Variants in VWA2 observed in about 807,000 individuals in gnomAD.
VWA2 encodes von Willebrand factor A domain-containing protein 2.
Under a neutral mutation model 70.4 loss-of-function variants are expected in VWA2, and 73 were observed. The ratio of observed to expected loss-of-function variants is 1.04; its 90% CI spans 0.86 to 1.26. VWA2 has a LOEUF of 1.26. VWA2 is among the 50% of genes most tolerant of loss of function. VWA2 has a pLI of 0.00. For missense variants in VWA2, 1,011 were observed against 998.5 expected (o/e 1.01, Z -0.17); for synonymous variants, 407 against 423.3 (o/e 0.96, Z 0.47).
In VWA2 at chr10:114,254,981, G is replaced by T. The variant is rs145930082; in HGVS notation, c.194G>T (p.Gly65Val). 1 of 1,613,324 alleles carries T rather than the reference G, an allele frequency of 6.2e-7. No homozygotes were observed. Among genetic ancestry groups the T allele is most frequent in the Admixed American group, 1.7e-5 (1 of 60,022 alleles). Reference protein sequence around the residue: ...LLDGSNSVGKGSFERSKHFAI... With the variant: ...LLDGSNSVGKVSFERSKHFAI... Reference sequence around the variant, plus strand: ...GATGGGTCTAACAGCGTCGGGAAAGGGAGCTTTGAAAGGTCCAAGCACTTT... The same window carrying T: ...GATGGGTCTAACAGCGTCGGGAAAGTGAGCTTTGAAAGGTCCAAGCACTTT... The change falls in exon 4 of 14, where the codon GGG becomes GTG. Residue 65 changes from glycine (G) to valine (V), a missense_variant. Gly to Val is a moderately radical substitution (Grantham distance 109). Coordinates refer to ENST00000392982, the MANE Select transcript of VWA2 (RefSeq NM_001272046.2).
At chr10:114,277,891 G>C in intron 6 of VWA2, 23 bp from the exon 7 acceptor site, 2 of 1,590,728 alleles carry the variant, frequency 1.3e-6, no homozygotes, top group Non-Finnish European at 1.7e-6. Flanking sequence ...AGGACCACAA[G>C]CTGTTACAAC....
chr10:114,285,819 G>C (rs903442838), intron 10 of VWA2, 120 bp from the exon 11 acceptor site: 12 of 1,127,272 alleles, frequency 1.1e-5, no homozygotes, highest in Non-Finnish European at 1.3e-5. Flanking sequence ...ACTTAAGCTT[G>C]GGGGGCCCAC....
At position 114,278,737 on chromosome 10, in the gene VWA2, A is replaced by G. The variant is rs1036833527; in HGVS notation, c.719A>G (p.His240Arg). ...GACACAGACTGCAGGGTCGAGGCTC[A>G]CCCCTGTGAGCACAGGACGCTGGAG... ...SATPDCRVEA[H>R]PCEHRTLEMV... The change falls in exon 8 of 14, where the codon CAC becomes CGC. Residue 240 changes from histidine to arginine, a missense_variant. Physicochemically the swap from His to Arg is conservative, Grantham distance 29 (BLOSUM62 0). Coordinates refer to ENST00000392982, the MANE Select transcript of VWA2 (RefSeq NM_001272046.2). The G allele has an allele frequency of 4.3e-6, 7 of 1,613,694 alleles. No individual in the cohort carries two copies. In the African/African-American group the frequency reaches 5.3e-5, roughly 12 times the overall value.
At chr10:114,268,635 C>T (rs2037627344) in intron 5 of VWA2, among the ~76,000 whole-genome samples, 1 of 152,064 alleles carries the variant, frequency 6.6e-6, no homozygotes, top group African/African-American at 2.4e-5. Flanking sequence ...ACCCTGAGCT[C>T]AGAACAGACT....
chr10:114,273,058 C>T, intron 6 of VWA2, 124 bp downstream of exon 6: 3 of 737,886 alleles, frequency 4.1e-6, no homozygotes. Context: ...TCTGTCTTTT[C>T]CTCACTTTGC....
Position 114,272,949 on chromosome 10 carries a change from C to T in VWA2, c.566+15C>T, listed in dbSNP as rs2133363902. Reference sequence around the variant, plus strand: ...AGGTTTCCCAGGTAAGAGCCTCAGTCACCCTGGATCAGCCCTCAGGTGGTC... The same window carrying T: ...AGGTTTCCCAGGTAAGAGCCTCAGTTACCCTGGATCAGCCCTCAGGTGGTC... On this transcript the variant is annotated intron_variant, in intron 6 of 13. Coordinates refer to ENST00000392982, the MANE Select transcript of VWA2 (RefSeq NM_001272046.2). The T allele has an allele frequency of 6.3e-7, 1 of 1,599,814 alleles. No homozygotes were observed. Among genetic ancestry groups the T allele is most frequent in the East Asian group, 2.2e-5 (1 of 44,654 alleles).
At chr10:114,269,829 T>C (rs2037667727) in intron 5 of VWA2, among the ~76,000 whole-genome samples, 1 of 152,058 alleles carries the variant, frequency 6.6e-6, no homozygotes, top group African/African-American at 2.4e-5. Flanking sequence ...GTTTAGAACC[T>C]CAGGATCCAA....
intron 9 of VWA2, among the ~76,000 whole-genome samples, chr10:114,284,019 C>A (rs1374075054): frequency 2.0e-5 from 3 of 152,202 alleles, no homozygotes; most frequent in Admixed American, 2.0e-4. Context: ...CACATGAAGA[C>A]CTTGTTTGTT....
Position 114,255,065 on chromosome 10 carries a change from T to C in VWA2, c.261+17T>C. On this transcript the variant is annotated intron_variant, in intron 4 of 13. Coordinates refer to ENST00000392982, the MANE Select transcript of VWA2 (RefSeq NM_001272046.2). ...CCCGAGAGGGTGAGTGCAAGTCTTG[T>C]GGGTGTTTGTGTTAGGGCGTCTTCT... is the stretch of plus-strand genomic sequence containing the variant. 1.2e-6 allele frequency: 2 copies of C among 1,609,908 alleles called. No homozygotes were observed. Among genetic ancestry groups the C allele is most frequent in the Non-Finnish European group, 1.7e-6 (2 of 1,179,010 alleles).
At chr10:114,281,403 G>A (rs2038103942) in intron 8 of VWA2, 2 of 152,322 alleles carry the variant, frequency 1.3e-5, no homozygotes, top group Admixed American at 1.3e-4. Flanking sequence ...TCAGGGTTTG[G>A]ATCCCAGCTC....
intron 5 of VWA2, among the ~76,000 whole-genome samples, chr10:114,269,495 C>T (rs561881488): frequency 2.1e-4 from 32 of 152,244 alleles, no homozygotes; most frequent in African/African-American, 7.0e-4. Context: ...GCAGGAGAAT[C>T]GCTTAAGCCC....
chr10:114,277,778 C>A, intron 6 of VWA2, 136 bp from the exon 7 acceptor site: 1 of 1,145,208 alleles, frequency 8.7e-7, no homozygotes, highest in Non-Finnish European at 1.2e-6. Flanking sequence ...TAACTGTTTT[C>A]CTCACCAGCT....
At position 114,278,534 on chromosome 10, in the gene VWA2, G is replaced by A. The variant is rs528442080; in HGVS notation, c.701-185G>A. Among the ~76,000 whole-genome samples, 20 of 152,350 alleles carry A rather than the reference G, an allele frequency of 1.3e-4. No homozygotes were observed. The South Asian group carries it at 1.7e-3, about 13-fold the overall frequency. ...GAGATGCTCAGAGACTGGATGCCCC[G>A]CTGAACAGGCAGAGCAGGGCCCTTC... On this transcript the variant is annotated intron_variant, in intron 7 of 13. Coordinates refer to ENST00000392982, the MANE Select transcript of VWA2 (RefSeq NM_001272046.2).
intron 5 of VWA2, among the ~76,000 whole-genome samples, chr10:114,271,150 G>A (rs1451640101): frequency 2.6e-5 from 4 of 152,028 alleles, no homozygotes; most frequent in African/African-American, 4.8e-5. Context: ...GGATGGGATC[G>A]TGGTTATACT....
In VWA2 at chr10:114,292,498, T is replaced by C. The variant is rs1039337354; in HGVS notation, c.*1261T>C. 6.6e-5 allele frequency among the ~76,000 whole-genome samples: 10 copies of C among 151,698 alleles called. No homozygotes were observed. Among genetic ancestry groups the C allele is most frequent in the African/African-American group, 2.4e-4 (10 of 41,244 alleles). The stretch of plus-strand genomic sequence containing the variant: ...TTTCTACACAGTTTTTAAAGAAATA[T>C]TTCAAGAAATGTTGGTTATTTATTA... On this transcript the variant is annotated 3_prime_UTR_variant, in exon 14 of 14. Transcript: ENST00000392982.
chr10:114,287,170 G>A (rs912718641), intron 11 of VWA2, among the ~76,000 whole-genome samples: 10 of 152,190 alleles, frequency 6.6e-5, no homozygotes, highest in African/African-American at 2.4e-4. Flanking sequence ...CAGAGATGTA[G>A]TAGCTGAAAC....
At chr10:114,280,107 A>G (rs2133389863) in intron 8 of VWA2, among the ~76,000 whole-genome samples, 1 of 152,346 alleles carries the variant, frequency 6.6e-6, no homozygotes, top group Non-Finnish European at 1.5e-5. Flanking sequence ...GGGGTGTGAT[A>G]ATAATCATAC....
chr10:114,277,478 C>A (rs917000139), intron 6 of VWA2, among the ~76,000 whole-genome samples: 2 of 152,070 alleles, frequency 1.3e-5, no homozygotes, highest in African/African-American at 2.4e-5. Context: ...CACCACACCC[C>A]CCCTCCGACT....
At chr10:114,289,739 A>G (rs1349402551) in intron 12 of VWA2, 5 of 553,406 alleles carry the variant, frequency 9.0e-6, no homozygotes, top group African/African-American at 3.8e-5. Flanking sequence ...GAATTTATGC[A>G]TTCCCTTTAA....
Sources: gnomAD v4.1 joint callset for allele counts (sites outside exome capture counted in the v4.1 genomes callset) on GRCh38, gnomAD v4.1.1 for gene constraint, MANE v1.5 for transcripts, NCBI Gene and HGNC (gene_info 2026-07-23, HGNC 2026-07-21) for gene names.